Variants in TNNI3K observed in about 807,000 individuals in gnomAD.
The protein encoded by TNNI3K is serine/threonine-protein kinase TNNI3K.
In TNNI3K, 140 loss-of-function variants were observed where a neutral mutation model predicts 114.5. That is an observed-to-expected ratio of 1.22 (90% CI 1.07 to 1.41). The LOEUF is 1.41. TNNI3K is among the 40% of genes most tolerant of loss of function. The pLI, the probability that TNNI3K is intolerant of heterozygous loss-of-function variation, is 0.00. For synonymous variants in TNNI3K, 347 were observed against 347.5 expected, an observed-to-expected ratio of 1.00 and a Z score of 0.02; for missense variants, 1,125 against 1,007.6, an observed-to-expected ratio of 1.12 and a Z score of -1.58.
intron 17 of TNNI3K, among the ~76,000 whole-genome samples, chr1:74,397,484 T>C (rs1664144219): frequency 6.6e-6 from 1 of 152,112 alleles, no homozygotes; most frequent in Non-Finnish European, 1.5e-5. Context: ...AGGAATATAT[T>C]AAATCAAAGA....
intron 5 of TNNI3K, among the ~76,000 whole-genome samples, chr1:74,273,989 G>A (rs1325590553): frequency 1.2e-4 from 18 of 151,722 alleles, no homozygotes; most frequent in Non-Finnish European, 7.4e-5. Flanking sequence ...GACCAATGTG[G>A]GAGTTAGGAG....
chr1:74,269,271 C>T (rs1656199546), intron 4 of TNNI3K, among the ~76,000 whole-genome samples: 1 of 151,814 alleles, frequency 6.6e-6, no homozygotes, highest in Admixed American at 6.6e-5. Flanking sequence ...TTTTGTCTCT[C>T]CATTCACGTA....
chr1:74,368,359 G>A (rs1662392742), intron 13 of TNNI3K, among the ~76,000 whole-genome samples: 1 of 151,754 alleles, frequency 6.6e-6, no homozygotes, highest in African/African-American at 2.4e-5. Context: ...TTGAATGTAT[G>A]CTTCACACAG....
chr1:74,380,678 A>G (rs997692027), intron 17 of TNNI3K, among the ~76,000 whole-genome samples: 7 of 152,126 alleles, frequency 4.6e-5, no homozygotes, highest in Admixed American at 4.6e-4. Context: ...TGTCAACAAA[A>G]GCTTTTCTCT....
intron 21 of TNNI3K, chr1:74,470,787 A>G (rs1260953542): frequency 5.0e-6 from 2 of 400,418 alleles, no homozygotes; most frequent in African/African-American, 4.1e-5. Context: ...TTTGGTCTAA[A>G]GTGTATTCCT....
intron 5 of TNNI3K, among the ~76,000 whole-genome samples, chr1:74,274,292 G>A (rs908462080): frequency 2.0e-5 from 3 of 151,996 alleles, no homozygotes; most frequent in Admixed American, 2.0e-4. Flanking sequence ...AGGCAAAGGA[G>A]GAGGAGGAAG....
intron 20 of TNNI3K, among the ~76,000 whole-genome samples, chr1:74,449,351 T>C (rs1282713406): frequency 6.6e-6 from 1 of 151,600 alleles, no homozygotes; most frequent in Non-Finnish European, 1.5e-5. Context: ...GATTCTTCTC[T>C]CTTTTTTTCT....
intron 5 of TNNI3K, among the ~76,000 whole-genome samples, chr1:74,295,479 A>AT (rs958559624): frequency 5.3e-5 from 8 of 152,112 alleles, no homozygotes; most frequent in African/African-American, 1.9e-4. Context: ...ATGGATATCT[A>AT]TTTTTTACTT....
chr1:74,361,533 G>A (rs1433742755), intron 11 of TNNI3K, among the ~76,000 whole-genome samples: 3 of 152,032 alleles, frequency 2.0e-5, no homozygotes, highest in Non-Finnish European at 4.4e-5. Context: ...CCAACCTAAT[G>A]TGTGACAGAC....
chr1:74,343,943 A>G (rs953485209), intron 9 of TNNI3K, among the ~76,000 whole-genome samples: 1 of 152,222 alleles, frequency 6.6e-6, no homozygotes, highest in Non-Finnish European at 1.5e-5. Flanking sequence ...GTAAAAGCAT[A>G]GTAATTTATA....
At chr1:74,436,659 GTCTT>G (rs1666144961) in intron 19 of TNNI3K, 133 bp downstream of exon 19, 1 of 871,592 alleles carries the variant, frequency 1.1e-6, no homozygotes, top group East Asian at 3.2e-5. Flanking sequence ...AATGGCTTAT[GTCTT>G]TATTTTTAGT....
intron 21 of TNNI3K, among the ~76,000 whole-genome samples, chr1:74,487,762 G>A (rs1200642661): frequency 2.6e-5 from 4 of 152,274 alleles, no homozygotes; most frequent in East Asian, 3.9e-4. Flanking sequence ...GGAACTGCTC[G>A]TAATAAAAAG....
At chr1:74,342,765 C>A (rs1199127298) in intron 7 of TNNI3K, 77 bp from the exon 8 acceptor site, 2 of 1,551,214 alleles carry the variant, frequency 1.3e-6, no homozygotes, top group East Asian at 4.5e-5. Context: ...TTAGAAATGT[C>A]CATGATACTA....
intron 17 of TNNI3K, among the ~76,000 whole-genome samples, chr1:74,424,424 A>T (rs929709200): frequency 6.6e-6 from 1 of 152,100 alleles, no homozygotes; most frequent in Non-Finnish European, 1.5e-5. Context: ...ATTATAAAGA[A>T]GAGAGAAATA....
At chr1:74,493,018 A>G (rs913999569) in intron 23 of TNNI3K, among the ~76,000 whole-genome samples, 1 of 152,088 alleles carries the variant, frequency 6.6e-6, no homozygotes, top group South Asian at 2.1e-4. Context: ...CACCAACTCT[A>G]CTGGATCAGG....
intron 21 of TNNI3K, chr1:74,469,284 C>T (rs1359919707): frequency 6.6e-6 from 1 of 152,512 alleles, no homozygotes; most frequent in African/African-American, 2.4e-5. Flanking sequence ...AGAGAAATAA[C>T]AAGTTTTAAA....
chr1:74,480,930 C>A, intron 21 of TNNI3K: 1 of 717,084 alleles, frequency 1.4e-6, no homozygotes, highest in Non-Finnish European at 2.6e-6. Context: ...GAGAGATATC[C>A]ATCGGTGATG....
intron 2 of TNNI3K, among the ~76,000 whole-genome samples, chr1:74,241,051 C>T (rs567849751): frequency 6.6e-6 from 1 of 152,016 alleles, no homozygotes; most frequent in East Asian, 1.9e-4. Context: ...CAATAGTTTG[C>T]TGAGAATGAT....
intron 23 of TNNI3K, among the ~76,000 whole-genome samples, chr1:74,520,168 C>T (rs112818955): frequency 6.6e-6 from 1 of 151,808 alleles, no homozygotes; most frequent in Non-Finnish European, 1.5e-5. Flanking sequence ...ACCCTTTCCC[C>T]GATTCCACAA....
Sources: gnomAD v4.1 joint callset for allele counts (sites outside exome capture counted in the v4.1 genomes callset) on GRCh38, gnomAD v4.1.1 for gene constraint, MANE v1.5 for transcripts, NCBI Gene and HGNC (gene_info 2026-07-23, HGNC 2026-07-21) for gene names.